The following AUTS2 variants were observed in gnomAD, a reference collection of about 807,000 sequenced individuals.
AUTS2 encodes activator of transcription and developmental regulator AUTS2.
AUTS2 carries 17 observed loss-of-function variants against 112.4 expected under a neutral mutation model. That is an observed-to-expected ratio of 0.15 (90% confidence interval 0.10 to 0.23). The LOEUF (loss-of-function observed/expected upper bound fraction) is 0.23, where lower values mean the gene tolerates loss of function less well. Among genes scored for constraint, AUTS2 ranks in the 10% least tolerant of loss-of-function variants. The probability of loss-of-function intolerance (pLI) is 1.00; values close to 1 mark genes in which losing one functional copy is unlikely to be tolerated. For synonymous variants in AUTS2, 751 were observed against 702.7 expected, an observed-to-expected ratio of 1.07 and a Z score of -1.09; for missense variants, 1,510 against 1,701.6, an observed-to-expected ratio of 0.89 and a Z score of 1.98.
At chr7:70,051,650 T>G (rs1050599415) in intron 2 of AUTS2, among the ~76,000 whole-genome samples, 3 of 151,882 alleles carry the variant, frequency 2.0e-5, no homozygotes, top group African/African-American at 7.3e-5. Flanking sequence ...ACCCGGAAGG[T>G]GAAGGTTGCA....
intron 5 of AUTS2, among the ~76,000 whole-genome samples, chr7:70,527,059 C>T (rs1799871147): frequency 6.6e-6 from 1 of 152,228 alleles, no homozygotes; most frequent in Non-Finnish European, 1.5e-5. Flanking sequence ...TGGTATCACA[C>T]AAGCTGAGCT....
At chr7:69,756,036 T>C (rs555333230) in intron 1 of AUTS2, among the ~76,000 whole-genome samples, 1 of 152,262 alleles carries the variant, frequency 6.6e-6, no homozygotes, top group South Asian at 2.1e-4. Context: ...TCACCAGAGG[T>C]CACAGGGCAA....
chr7:70,235,221 A>T (rs1812258115), intron 4 of AUTS2, among the ~76,000 whole-genome samples: 1 of 151,594 alleles, frequency 6.6e-6, no homozygotes, highest in Non-Finnish European at 1.5e-5. Flanking sequence ...GTAACCTGGA[A>T]CTCCTGGGCT....
chr7:70,002,876 T>C (rs1438501981), intron 2 of AUTS2, among the ~76,000 whole-genome samples: 1 of 151,848 alleles, frequency 6.6e-6, no homozygotes, highest in Non-Finnish European at 1.5e-5. Flanking sequence ...AAAATCAAAA[T>C]ACCTAAATAG....
At chr7:69,811,732 G>A (rs1790553168) in intron 1 of AUTS2, among the ~76,000 whole-genome samples, 1 of 152,172 alleles carries the variant, frequency 6.6e-6, no homozygotes, top group Non-Finnish European at 1.5e-5. Flanking sequence ...CCAGGTGGGA[G>A]CCATCGTTCA....
At chr7:70,363,476 A>T (rs1156291506) in intron 4 of AUTS2, among the ~76,000 whole-genome samples, 1 of 141,942 alleles carries the variant, frequency 7.0e-6, no homozygotes, top group Admixed American at 6.7e-5. Context: ...AAAAAAAAAA[A>T]AAAAAAAATC....
intron 2 of AUTS2, among the ~76,000 whole-genome samples, chr7:70,020,670 T>C (rs772396867): frequency 7.2e-5 from 11 of 151,940 alleles, no homozygotes; most frequent in Non-Finnish European, 1.5e-4. Flanking sequence ...TTTTTCTTCT[T>C]TCTTTCTTTC....
chr7:70,433,257 C>T (rs139754853), intron 4 of AUTS2, among the ~76,000 whole-genome samples: 1 of 152,304 alleles, frequency 6.6e-6, no homozygotes, highest in East Asian at 1.9e-4. Flanking sequence ...CCCCACTCCT[C>T]GTCCTCCCTG....
chr7:69,998,098 A>G (rs1231009450), intron 2 of AUTS2, among the ~76,000 whole-genome samples: 1 of 151,310 alleles, frequency 6.6e-6, no homozygotes, highest in African/African-American at 2.4e-5. Flanking sequence ...CTGCTTCCCA[A>G]CTCTTTTTTC....
At chr7:70,279,762 A>C (rs576360100) in intron 4 of AUTS2, among the ~76,000 whole-genome samples, 2 of 152,346 alleles carry the variant, frequency 1.3e-5, no homozygotes, top group East Asian at 3.9e-4. Context: ...CTTGTCCAGA[A>C]GGAGCCTGCC....
At chr7:70,755,366 A>T (rs546903186) in intron 6 of AUTS2, among the ~76,000 whole-genome samples, 22 of 152,208 alleles carry the variant, frequency 1.4e-4, no homozygotes, top group African/African-American at 2.9e-4. Context: ...AGAGATTTTT[A>T]AAAAATCTAT....
rs1792252994 is a variant in AUTS2, at chr7:69,599,541, G to A, written c.-113G>A. On this transcript the variant is annotated 5_prime_UTR_variant, in exon 1 of 19. Transcript: ENST00000342771. The surrounding 1 kb of genome is among the most constrained non-coding windows in gnomAD (Gnocchi z 7.0). ...CCGCCGTCTCCCCCGCGCCCTCCTC[G>A]GGGCGGAGGGAAGCCGTGAAGGGGG... 5.7e-6 allele frequency: 6 copies of A among 1,046,604 alleles called. No homozygotes were observed. In the South Asian group the frequency reaches 2.9e-4, roughly 51 times the overall value. 64.8% of individuals were successfully genotyped at this position (1,046,604 alleles called of 1,614,324 possible).
intron 5 of AUTS2, among the ~76,000 whole-genome samples, chr7:70,644,599 T>C (rs1398222613): frequency 6.6e-6 from 1 of 152,132 alleles, no homozygotes; most frequent in African/African-American, 2.4e-5. Context: ...GGCACTTATT[T>C]GTGCTATTCA....
intron 2 of AUTS2, among the ~76,000 whole-genome samples, chr7:70,106,823 A>G (rs573919827): frequency 6.6e-6 from 1 of 152,286 alleles, no homozygotes; most frequent in East Asian, 1.9e-4. Flanking sequence ...GATTGTTAGT[A>G]CACATTTTAA....
chr7:69,864,506 C>T (rs1350031828), intron 1 of AUTS2, among the ~76,000 whole-genome samples: 4 of 152,154 alleles, frequency 2.6e-5, no homozygotes, highest in Non-Finnish European at 4.4e-5. Flanking sequence ...TTAATGAACA[C>T]ACAGATGTCA....
intron 1 of AUTS2, among the ~76,000 whole-genome samples, chr7:69,836,248 A>T (rs925797836): frequency 2.0e-5 from 3 of 152,212 alleles, no homozygotes; most frequent in Non-Finnish European, 4.4e-5. Flanking sequence ...ACACCATGTT[A>T]TCCTTTTATG....
At chr7:70,246,202 G>A (rs1026036175) in intron 4 of AUTS2, among the ~76,000 whole-genome samples, 8 of 152,174 alleles carry the variant, frequency 5.3e-5, no homozygotes, top group South Asian at 2.1e-4. Context: ...CTTAATGATA[G>A]AATAGTTGAG....
chr7:69,805,092 A>T (rs1790243137), intron 1 of AUTS2, among the ~76,000 whole-genome samples: 1 of 152,188 alleles, frequency 6.6e-6, no homozygotes, highest in Non-Finnish European at 1.5e-5. Context: ...CAGAGTGCTG[A>T]TGTGAGGATG....
At chr7:69,978,310 A>G (rs183788096) in intron 2 of AUTS2, among the ~76,000 whole-genome samples, 2 of 152,188 alleles carry the variant, frequency 1.3e-5, no homozygotes, top group East Asian at 3.9e-4. Flanking sequence ...TCTTTTCAGT[A>G]TTTTTCTTTT....
Sources: gnomAD v4.1 joint callset for allele counts (sites outside exome capture counted in the v4.1 genomes callset) on GRCh38, gnomAD v4.1.1 for gene constraint, Gnocchi (gnomAD v3.1) non-coding constraint, MANE v1.5 for transcripts, NCBI Gene and HGNC (gene_info 2026-07-23, HGNC 2026-07-21) for gene names.